Variants in SGCZ observed in about 807,000 individuals in gnomAD.
SGCZ encodes the protein zeta-sarcoglycan.
In SGCZ, 40 loss-of-function variants were observed where a neutral mutation model predicts 41.3. The ratio of observed to expected loss-of-function variants is 0.97; its 90% CI spans 0.75 to 1.26. The LOEUF (loss-of-function observed/expected upper bound fraction) is 1.26. Among genes scored for constraint, SGCZ ranks in the 50% most tolerant of loss-of-function variants. The pLI, the probability that SGCZ is intolerant of heterozygous loss-of-function variation, is 0.00. For missense variants in SGCZ, 552 were observed against 369.8 expected (o/e 1.49, Z -4.04); for synonymous variants, 206 against 137.5 (o/e 1.50, Z -3.49).
At chr8:14,780,374 CAAAAA>C (rs533888354) in intron 1 of SGCZ, among the ~76,000 whole-genome samples, 1 of 79,086 alleles carries the variant, frequency 1.3e-5, no homozygotes, top group Non-Finnish European at 2.7e-5. Context: ...GACTCCATCT[CAAAAA>C]AAAAAAAAAA....
intron 2 of SGCZ, among the ~76,000 whole-genome samples, chr8:14,364,140 AT>A (rs1438682806): frequency 1.3e-5 from 2 of 152,160 alleles, no homozygotes; most frequent in Non-Finnish European, 2.9e-5. Context: ...AAATGTGTTT[AT>A]TTCTATGAAA....
rs914953048 is a variant in SGCZ at position 14,922,308 on chromosome 8, C to T, written c.39+315277G>A. ...ATATGTGATACTGAAGGATTAAAGACAGTCTTTCAGTAATACTGCTTTCAA... is the reference window on the plus strand; with the variant it reads ...ATATGTGATACTGAAGGATTAAAGATAGTCTTTCAGTAATACTGCTTTCAA... On this transcript the variant is annotated intron_variant, in intron 1 of 7. Coordinates refer to ENST00000382080, the MANE Select transcript of SGCZ (RefSeq NM_139167.4). Among the ~76,000 whole-genome samples the T allele has an allele frequency of 3.3e-5, 5 of 152,246 alleles. No homozygotes were observed. In the South Asian group the frequency reaches 1.0e-3, roughly 32 times the overall value.
intron 1 of SGCZ, among the ~76,000 whole-genome samples, chr8:14,888,522 C>T (rs1020011419): frequency 2.0e-5 from 3 of 152,090 alleles, no homozygotes; most frequent in Admixed American, 2.0e-4. Context: ...CAACAATGAA[C>T]AAAGAAATAA....
At chr8:14,444,433 C>G (rs1050435816) in intron 2 of SGCZ, among the ~76,000 whole-genome samples, 3 of 152,010 alleles carry the variant, frequency 2.0e-5, no homozygotes, top group Admixed American at 2.0e-4. Flanking sequence ...CAATGATAGA[C>G]TGGATCAAGA....
At chr8:14,986,501 G>A (rs988579915) in intron 1 of SGCZ, among the ~76,000 whole-genome samples, 2 of 152,074 alleles carry the variant, frequency 1.3e-5, no homozygotes, top group Non-Finnish European at 2.9e-5. Context: ...CAAATTAGAA[G>A]GGATTTGCTC....
Position 14,262,595 on chromosome 8 carries a change from G to T in SGCZ, c.337-24916C>A, listed in dbSNP as rs150316164. Among the ~76,000 whole-genome samples the T allele has an allele frequency of 6.3e-3, 952 of 150,774 alleles. 8 individuals are homozygous for T. Among genetic ancestry groups the T allele is most frequent in the African/African-American group, 0.022 (909 of 41,198 alleles). On this transcript the variant is annotated intron_variant, in intron 3 of 7. Transcript: ENST00000382080. ...TAATTTCCATATTTAATTATAAAAGGATATATATATATAATCTACATTGTA... is the reference window on the plus strand; with the variant it reads ...TAATTTCCATATTTAATTATAAAAGTATATATATATATAATCTACATTGTA...
At chr8:14,234,299 T>G (rs979954828) in intron 4 of SGCZ, among the ~76,000 whole-genome samples, 1 of 152,018 alleles carries the variant, frequency 6.6e-6, no homozygotes, top group African/African-American at 2.4e-5. Context: ...GATGGCCTAA[T>G]CACTGGACTA....
chr8:14,408,986 T>TGTGTGC (rs1420623450), intron 2 of SGCZ, among the ~76,000 whole-genome samples: 1 of 131,748 alleles, frequency 7.6e-6, no homozygotes, highest in Admixed American at 7.8e-5. Context: ...TGTGCGTGTG[T>TGTGTGC]GTGTGTGTGT....
At chr8:14,134,580 T>C (rs989040960) in intron 5 of SGCZ, among the ~76,000 whole-genome samples, 5 of 152,210 alleles carry the variant, frequency 3.3e-5, no homozygotes, top group African/African-American at 1.2e-4. Context: ...TTTGCACCAC[T>C]TAAAAAATAT....
chr8:14,292,526 G>A (rs565943440), intron 3 of SGCZ, among the ~76,000 whole-genome samples: 64 of 152,108 alleles, frequency 4.2e-4, no homozygotes, highest in African/African-American at 1.5e-3. Context: ...CACAAGATAG[G>A]GAATGAAGAG....
chr8:14,379,186 T>C (rs1804262466), intron 2 of SGCZ, among the ~76,000 whole-genome samples: 2 of 152,188 alleles, frequency 1.3e-5, no homozygotes, highest in Admixed American at 1.3e-4. Flanking sequence ...AACCAATTTT[T>C]ATTTGCTGAA....
intron 1 of SGCZ, among the ~76,000 whole-genome samples, chr8:14,913,451 G>A (rs890188094): frequency 1.3e-5 from 2 of 151,982 alleles, no homozygotes; most frequent in Non-Finnish European, 2.9e-5. Context: ...GCTATGAGAT[G>A]TTTGTACCAA....
intron 1 of SGCZ, among the ~76,000 whole-genome samples, chr8:14,614,041 G>A (rs1806016869): frequency 6.6e-6 from 1 of 152,020 alleles, no homozygotes; most frequent in Non-Finnish European, 1.5e-5. Flanking sequence ...GTGAGTACAG[G>A]CCGCTCACAC....
rs147419414 is a variant in SGCZ, at chr8:14,546,699, A to G, written c.234+8033T>C. ...GCCCAAGTTCAAAAGATAATTAATA[A>G]GCAGTAATATTGTATTTATATATTT... On this transcript the variant is annotated intron_variant, in intron 2 of 7. Coordinates refer to ENST00000382080, the MANE Select transcript of SGCZ (RefSeq NM_139167.4). Among the ~76,000 whole-genome samples the G allele has an allele frequency of 6.8e-3, 1,038 of 152,306 alleles. 15 individuals are homozygous for G. The highest frequency in any genetic ancestry group is 0.024 in the African/African-American group (984 of 41,574).
chr8:14,680,670 T>C (rs1375921517), intron 1 of SGCZ, among the ~76,000 whole-genome samples: 1 of 150,850 alleles, frequency 6.6e-6, no homozygotes, highest in Non-Finnish European at 1.5e-5. Context: ...ACATAGATTG[T>C]ACGGAGCAAG....
At chr8:14,439,657 T>G (rs1399547963) in intron 2 of SGCZ, among the ~76,000 whole-genome samples, 1 of 151,844 alleles carries the variant, frequency 6.6e-6, no homozygotes, top group Non-Finnish European at 1.5e-5. Context: ...ATCCGTAGTA[T>G]AAACCAAAGA....
intron 1 of SGCZ, among the ~76,000 whole-genome samples, chr8:14,818,276 C>T (rs938219343): frequency 2.0e-5 from 3 of 152,254 alleles, no homozygotes; most frequent in Non-Finnish European, 2.9e-5. Context: ...TCTGGCCTGA[C>T]GACTAACCTG....
intron 4 of SGCZ, among the ~76,000 whole-genome samples, chr8:14,169,529 C>A (rs2116996192): frequency 6.6e-6 from 1 of 152,210 alleles, no homozygotes; most frequent in African/African-American, 2.4e-5. Context: ...TCCTGGAAAT[C>A]TTTGCCTCAC....
At chr8:14,129,247 G>T (rs1323497933) in intron 5 of SGCZ, among the ~76,000 whole-genome samples, 1 of 147,024 alleles carries the variant, frequency 6.8e-6, no homozygotes, top group East Asian at 2.1e-4. Context: ...TCAGGAGGCA[G>T]AGAGAAGAGA....
Sources: allele counts gnomAD v4.1 joint callset (sites outside exome capture counted in the v4.1 genomes callset), GRCh38; gene constraint gnomAD v4.1.1; transcripts MANE v1.5; gene names NCBI Gene and HGNC (gene_info 2026-07-23, HGNC 2026-07-21).